The following AGTPBP1 variants were observed in gnomAD, a reference collection of about 807,000 sequenced individuals.
AGTPBP1 encodes cytosolic carboxypeptidase 1.
Under a neutral mutation model 143.9 loss-of-function variants are expected in AGTPBP1, and 70 were observed. The ratio of observed to expected loss-of-function variants is 0.49; its 90% CI spans 0.40 to 0.59. The LOEUF is 0.59. AGTPBP1 is among the 20% of genes least tolerant of loss of function. The probability of loss-of-function intolerance (pLI) is 0.00; values close to 1 mark genes in which losing one functional copy is unlikely to be tolerated. For synonymous variants in AGTPBP1, 463 were observed against 500.2 expected (o/e 0.93, Z 0.99); for missense variants, 1,229 against 1,464.5 (o/e 0.84, Z 2.62).
chr9:85,642,318 G>A (rs1832529278), intron 13 of AGTPBP1, among the ~76,000 whole-genome samples: 1 of 151,912 alleles, frequency 6.6e-6, no homozygotes, highest in Non-Finnish European at 1.5e-5. Context: ...GACAAAAAAT[G>A]TAATAGTCCA....
chr9:85,752,997 A>C, the AGTPBP1 span, among the ~76,000 whole-genome samples: 1 of 152,212 alleles, frequency 6.6e-6, no homozygotes, highest in African/African-American at 2.4e-5. Context: ...TCTAGGTTAC[A>C]GAATGAGACC....
the AGTPBP1 span, among the ~76,000 whole-genome samples, chr9:85,762,038 C>T: frequency 1.3e-5 from 2 of 152,180 alleles, no homozygotes; most frequent in East Asian, 1.9e-4. Flanking sequence ...CATCACTGGT[C>T]GTCAGAGAAA....
intron 2 of AGTPBP1, among the ~76,000 whole-genome samples, chr9:85,701,792 G>C (rs999322459): frequency 1.3e-5 from 2 of 152,098 alleles, no homozygotes. Context: ...TTTACCAATA[G>C]GTCAATTAGG....
the AGTPBP1 span, among the ~76,000 whole-genome samples, chr9:85,800,455 G>C: frequency 1.3e-5 from 2 of 152,164 alleles, no homozygotes; most frequent in Non-Finnish European, 2.9e-5. Context: ...GTAAGTCAGT[G>C]ATCACTCATC....
intron 4 of AGTPBP1, among the ~76,000 whole-genome samples, chr9:85,679,433 A>G (rs768207984): frequency 3.3e-5 from 5 of 150,786 alleles, no homozygotes; most frequent in Non-Finnish European, 7.4e-5. Context: ...TTTGAGACGG[A>G]GTCTCGCTCT....
chr9:85,638,967 C>T (rs540608110), intron 13 of AGTPBP1, among the ~76,000 whole-genome samples: 1 of 151,992 alleles, frequency 6.6e-6, no homozygotes, highest in East Asian at 1.9e-4. Flanking sequence ...CAATCTTGTC[C>T]TAATAGGCAA....
chr9:85,583,066 G>A (rs1164614668), intron 23 of AGTPBP1, among the ~76,000 whole-genome samples: 1 of 152,104 alleles, frequency 6.6e-6, no homozygotes, highest in Non-Finnish European at 1.5e-5. Flanking sequence ...TGGAAGCAGA[G>A]GTCAGATTTG....
the AGTPBP1 span, among the ~76,000 whole-genome samples, chr9:85,779,940 C>A: frequency 6.6e-6 from 1 of 152,126 alleles, no homozygotes; most frequent in South Asian, 2.1e-4. Context: ...TTTCTAATTT[C>A]AACTGAATAT....
the AGTPBP1 span, among the ~76,000 whole-genome samples, chr9:85,754,759 G>A: frequency 6.6e-6 from 1 of 151,918 alleles, no homozygotes; most frequent in African/African-American, 2.4e-5. Context: ...TCTTAGTGAC[G>A]TTTAATAGTG....
At chr9:85,649,761 C>T (rs1434773209) in intron 11 of AGTPBP1, among the ~76,000 whole-genome samples, 4 of 152,062 alleles carry the variant, frequency 2.6e-5, no homozygotes, top group African/African-American at 9.7e-5. Context: ...TTTATGAAAT[C>T]TTGTCATGGC....
chr9:85,727,525 A>G (rs1838584028), intron 1 of AGTPBP1, among the ~76,000 whole-genome samples: 1 of 152,212 alleles, frequency 6.6e-6, no homozygotes. Context: ...ACATAAATCT[A>G]CTACATACAG....
chr9:85,667,139 T>A (rs189926391), intron 8 of AGTPBP1, among the ~76,000 whole-genome samples: 2 of 152,130 alleles, frequency 1.3e-5, no homozygotes, highest in African/African-American at 4.8e-5. Flanking sequence ...ATATTCTGTG[T>A]TACTGATTGT....
intron 25 of AGTPBP1, among the ~76,000 whole-genome samples, chr9:85,564,512 T>C (rs1408298745): frequency 2.6e-5 from 4 of 152,252 alleles, no homozygotes; most frequent in East Asian, 3.8e-4. Flanking sequence ...GTAATGCATA[T>C]ATGACAGTGG....
In AGTPBP1 at chr9:85,567,546, C is replaced by T. The variant is rs538995090; in HGVS notation, c.3503+7769G>A. Among the ~76,000 whole-genome samples, 5 of 152,138 alleles carry T rather than the reference C, an allele frequency of 3.3e-5. 1 individual carries two copies. The South Asian group carries it at 6.2e-4, about 19-fold the overall frequency. ...GGCAGAGGTTGCAGTGAGTCGAGAT[C>T]GCGCCACTGTACTCAAGTATGGGTG... On this transcript the variant is annotated intron_variant, in intron 25 of 25. Transcript: ENST00000357081.
intron 17 of AGTPBP1, among the ~76,000 whole-genome samples, chr9:85,605,398 T>C (rs1286547634): frequency 6.6e-6 from 1 of 152,026 alleles, no homozygotes. Context: ...CCATTGAAAA[T>C]ATCCTTCAAA....
At chr9:85,586,349 T>A (rs1828607136) in intron 22 of AGTPBP1, among the ~76,000 whole-genome samples, 1 of 152,202 alleles carries the variant, frequency 6.6e-6, no homozygotes, top group African/African-American at 2.4e-5. Context: ...TCAATTTTAC[T>A]CCTCTGCAAA....
At position 85,657,385 on chromosome 9, in the gene AGTPBP1, A is replaced by C. The variant is rs1394580166; in HGVS notation, c.909+50T>G. The stretch of plus-strand genomic sequence containing the variant: ...CACTAATTCAGTTTTCTTAACAACC[A>C]AATCATATTATTAGTACATAATCAC... On this transcript the variant is annotated intron_variant, in intron 10 of 25. Coordinates refer to ENST00000357081, the MANE Select transcript of AGTPBP1 (RefSeq NM_001330701.2). 3 of 1,467,980 alleles carry C rather than the reference A, an allele frequency of 2.0e-6. No homozygotes were observed. The South Asian group carries it at 3.8e-5, about 19-fold the overall frequency. 90.9% of individuals were successfully genotyped at this position (1,467,980 alleles called of 1,614,324 possible). A position where few individuals can be genotyped will look rare whatever the true frequency, so the allele number is the denominator to read the frequency against.
the AGTPBP1 span, chr9:85,773,917 A>G: frequency 6.2e-7 from 1 of 1,605,590 alleles, no homozygotes; most frequent in East Asian, 2.2e-5. Context: ...GAACGGGATA[A>G]TATGGTTCGT....
At chr9:85,715,089 A>G (rs1837620023) in intron 1 of AGTPBP1, among the ~76,000 whole-genome samples, 1 of 152,016 alleles carries the variant, frequency 6.6e-6, no homozygotes, top group Admixed American at 6.5e-5. Flanking sequence ...TCTATCAAAA[A>G]TACAAAAATT....
Sources: allele counts gnomAD v4.1 joint callset (sites outside exome capture counted in the v4.1 genomes callset), GRCh38; gene constraint gnomAD v4.1.1; transcripts MANE v1.5; gene names NCBI Gene and HGNC (gene_info 2026-07-23, HGNC 2026-07-21).